The following MCTP1 variants were observed in gnomAD, a reference collection of about 807,000 sequenced individuals.
MCTP1 encodes multiple C2 and transmembrane domain containing 1, also known as multiple C2 and transmembrane domain-containing protein 1.
MCTP1 carries 69 observed loss-of-function variants against 120.6 expected under a neutral mutation model. The observed-to-expected ratio is 0.57, with a 90% CI of 0.47 to 0.70. The LOEUF is 0.70. Ranked by LOEUF, MCTP1 falls within the 30% of genes least tolerant of loss-of-function variation. MCTP1 has a pLI of 0.00. For missense variants in MCTP1, 1,203 were observed against 1,248.8 expected, an observed-to-expected ratio of 0.96 and a Z score of 0.55; for synonymous variants, 529 against 493.1, an observed-to-expected ratio of 1.07 and a Z score of -0.96.
At chr5:95,254,001 T>C (rs153291) in intron 1 of MCTP1, among the ~76,000 whole-genome samples, 57,071 of 151,880 alleles carry the variant, frequency 0.38, 10,785 homozygotes, top group Middle Eastern at 0.44. Context: ...GCAACTTTTA[T>C]CACTGCTAAA....
chr5:94,715,363 C>CAAA (rs35567390), intron 19 of MCTP1, among the ~76,000 whole-genome samples: 25 of 70,532 alleles, frequency 3.5e-4, no homozygotes, highest in South Asian at 6.5e-4. Context: ...ATGAAAACTA[C>CAAA]AAAAAAAAAA....
intron 12 of MCTP1, among the ~76,000 whole-genome samples, chr5:94,887,413 G>A (rs566916020): frequency 1.3e-5 from 2 of 152,158 alleles, no homozygotes; most frequent in Admixed American, 6.5e-5. Flanking sequence ...ATCAATGACA[G>A]CTTCTCTCCA....
intron 1 of MCTP1, among the ~76,000 whole-genome samples, chr5:95,190,932 T>C (rs1410934487): frequency 6.6e-6 from 1 of 151,996 alleles, no homozygotes; most frequent in Non-Finnish European, 1.5e-5. Context: ...AATTAACCTA[T>C]ATATTTGGTT....
intron 17 of MCTP1, among the ~76,000 whole-genome samples, chr5:94,818,798 C>A (rs1054432299): frequency 1.3e-5 from 2 of 152,136 alleles, no homozygotes; most frequent in African/African-American, 4.8e-5. Flanking sequence ...ACCTGTTTGA[C>A]TAGGATGGTC....
chr5:95,198,966 T>G (rs1039935333), intron 1 of MCTP1, among the ~76,000 whole-genome samples: 1 of 152,240 alleles, frequency 6.6e-6, no homozygotes, highest in African/African-American at 2.4e-5. Context: ...TGCTAAGGAC[T>G]GAATCTCCAA....
At chr5:95,077,322 T>C (rs1753812585) in intron 1 of MCTP1, among the ~76,000 whole-genome samples, 1 of 152,208 alleles carries the variant, frequency 6.6e-6, no homozygotes, top group Non-Finnish European at 1.5e-5. Context: ...TTAATTTAGG[T>C]GTTCAAATTT....
chr5:95,183,678 T>C (rs568404279), intron 1 of MCTP1, among the ~76,000 whole-genome samples: 3 of 152,116 alleles, frequency 2.0e-5, no homozygotes, highest in African/African-American at 7.2e-5. Flanking sequence ...TGGGCAAAGA[T>C]TGAGCCGACA....
At chr5:95,252,636 C>T (rs1345481927) in intron 1 of MCTP1, among the ~76,000 whole-genome samples, 3 of 152,128 alleles carry the variant, frequency 2.0e-5, no homozygotes, top group East Asian at 3.9e-4. Context: ...TCTGAACCTA[C>T]ACAGTCTGGG....
At chr5:95,140,658 C>T (rs578216398) in intron 1 of MCTP1, among the ~76,000 whole-genome samples, 1 of 126,964 alleles carries the variant, frequency 7.9e-6, no homozygotes, top group South Asian at 2.4e-4. Context: ...GAGATCGAGA[C>T]CATCCTGGCT....
At chr5:95,155,013 A>G (rs1251010938) in intron 1 of MCTP1, among the ~76,000 whole-genome samples, 2 of 152,178 alleles carry the variant, frequency 1.3e-5, no homozygotes, top group African/African-American at 4.8e-5. Flanking sequence ...ATAAGCCTGT[A>G]TAATTTTATA....
At chr5:95,150,391 T>C (rs1169424837) in intron 1 of MCTP1, among the ~76,000 whole-genome samples, 1 of 152,210 alleles carries the variant, frequency 6.6e-6, no homozygotes, top group East Asian at 1.9e-4. Flanking sequence ...AAGCCGGTGG[T>C]TCTGATCATT....
At position 95,190,031 on chromosome 5, in the gene MCTP1, G is replaced by A. The variant is rs530062849; in HGVS notation, c.720+93825C>T. Among the ~76,000 whole-genome samples, 171 of 152,222 alleles carry A rather than the reference G, an allele frequency of 1.1e-3. 1 individual carries two copies. The highest frequency in any genetic ancestry group is 3.4e-3 in the Middle Eastern group (1 of 294). ...TATATATGCAAAGAGATTGAAGCAT[G>A]TTCCAGGGAAAAGCTTAGAAGATGA... On this transcript the variant is annotated intron_variant, in intron 1 of 22. Transcript: ENST00000515393.
rs759229428 is a variant in MCTP1, at chr5:94,871,324, T to C, written c.2130A>G (p.Pro710=). 1 of 1,599,606 alleles carries C rather than the reference T, an allele frequency of 6.3e-7. No homozygotes were observed. The highest frequency in any genetic ancestry group is 1.1e-5 in the South Asian group (1 of 90,788). ...GGTGAATAAAACTTACAGACAGCAATGGTATAGCAACTTTGCCCAGAAAGT... is the reference window on the plus strand; with the variant it reads ...GGTGAATAAAACTTACAGACAGCAACGGTATAGCAACTTTGCCCAGAAAGT... The part of the protein sequence containing the change: ...SADFLGKVAI[P]LLSIQNGEQK... The change falls in exon 14 of 23, where the codon CCA becomes CCG. Residue 710 remains proline, a synonymous_variant. Coordinates refer to ENST00000515393, the MANE Select transcript of MCTP1 (RefSeq NM_024717.7).
At chr5:95,067,987 ACT>A (rs1751122548) in intron 1 of MCTP1, among the ~76,000 whole-genome samples, 1 of 151,844 alleles carries the variant, frequency 6.6e-6, no homozygotes, top group South Asian at 2.1e-4. Flanking sequence ...CCACTTTTCC[ACT>A]CTCTGTCAAA....
At chr5:94,833,377 T>C (rs766122564) in intron 17 of MCTP1, among the ~76,000 whole-genome samples, 1 of 152,162 alleles carries the variant, frequency 6.6e-6, no homozygotes, top group Non-Finnish European at 1.5e-5. Flanking sequence ...ACCGAAGTAC[T>C]ATAAAAATTA....
intron 1 of MCTP1, among the ~76,000 whole-genome samples, chr5:95,268,423 C>T (rs1018824738): frequency 3.3e-5 from 5 of 152,132 alleles, no homozygotes; most frequent in African/African-American, 1.2e-4. Flanking sequence ...ATCTGGAAAA[C>T]AGCTACAAGA....
chr5:95,263,116 G>C lies in MCTP1; in HGVS notation c.720+20740C>G, dbSNP rs1157212665. On this transcript the variant is annotated intron_variant, in intron 1 of 22. Transcript: ENST00000515393. The stretch of plus-strand genomic sequence containing the variant: ...GGCTTCCTGAACTGGGGAAGGTCCA[G>C]AGTTCACTAGGAAGCTATGTTTACT... Among the ~76,000 whole-genome samples, 8 of 152,296 alleles carry C rather than the reference G, an allele frequency of 5.3e-5. No homozygotes were observed. The East Asian group carries it at 1.5e-3, about 29-fold the overall frequency.
At chr5:94,808,279 A>C (rs573502035) in intron 17 of MCTP1, among the ~76,000 whole-genome samples, 23 of 152,270 alleles carry the variant, frequency 1.5e-4, no homozygotes, top group African/African-American at 5.3e-4. Flanking sequence ...GGGAGAGGAG[A>C]TAGGCAAAGT....
intron 1 of MCTP1, among the ~76,000 whole-genome samples, chr5:95,063,436 A>C: frequency 6.6e-6 from 1 of 152,200 alleles, no homozygotes; most frequent in Non-Finnish European, 1.5e-5. Context: ...TAAGCTGCAG[A>C]ATTCTCTCCT....
Sources: gnomAD v4.1 joint callset for allele counts (sites outside exome capture counted in the v4.1 genomes callset) on GRCh38, gnomAD v4.1.1 for gene constraint, MANE v1.5 for transcripts, NCBI Gene and HGNC (gene_info 2026-07-23, HGNC 2026-07-21) for gene names.